The following NCKAP5L variants were observed in gnomAD, a reference collection of about 807,000 sequenced individuals.
The protein encoded by NCKAP5L is nck-associated protein 5-like.
A neutral mutation model predicts 103.2 loss-of-function variants in NCKAP5L; 54 were observed. That is an observed-to-expected ratio of 0.52 (90% CI 0.42 to 0.66). NCKAP5L has a LOEUF of 0.66. NCKAP5L is among the 30% of genes least tolerant of loss of function. The pLI is 0.00. For missense variants in NCKAP5L, 1,733 were observed against 1,750.6 expected, an observed-to-expected ratio of 0.99 and a Z score of 0.18; for synonymous variants, 762 against 748.6, an observed-to-expected ratio of 1.02 and a Z score of -0.29.
rs372071325 is a variant in NCKAP5L, at chr12:49,797,181, C to T, written c.679G>A (p.Gly227Ser). 1.2e-5 allele frequency: 20 copies of T among 1,612,064 alleles called. No homozygotes were observed. The highest frequency in any genetic ancestry group is 1.4e-5 in the Non-Finnish European group (16 of 1,179,428). ...QGPGSPEPIN[G>S]ELCGPPQPEP... is the part of the protein sequence containing the mutation. ...GGCTGAGGCGGGCCACACAGCTCGC[C>T]GTTGATGGGCTCTGGGGAGCCAGGC... Residue 227 changes from glycine to serine, a missense_variant, in exon 8 of 13, where the codon GGC becomes AGC. Transcript: ENST00000335999. The surrounding 1 kb of genome is among the most constrained non-coding windows in gnomAD (Gnocchi z 4.5).
intron 1 of NCKAP5L, among the ~76,000 whole-genome samples, chr12:49,810,592 C>G (rs900827428): frequency 2.0e-5 from 3 of 152,202 alleles, no homozygotes; most frequent in African/African-American, 7.2e-5. Context: ...TACTCTCATT[C>G]TCTCCTGAGT....
intron 7 of NCKAP5L, among the ~76,000 whole-genome samples, chr12:49,798,127 G>C (rs1241936315): frequency 6.6e-6 from 1 of 152,168 alleles, no homozygotes; most frequent in Non-Finnish European, 1.5e-5. Context: ...ACAGTGCCTG[G>C]CATGCAGTAA....
At chr12:49,808,113 T>G (rs1286972670) in intron 1 of NCKAP5L, among the ~76,000 whole-genome samples, 1 of 152,130 alleles carries the variant, frequency 6.6e-6, no homozygotes, top group African/African-American at 2.4e-5. Context: ...TGGTTTTCTG[T>G]GTTGAGGAGC....
intron 1 of NCKAP5L, among the ~76,000 whole-genome samples, chr12:49,822,022 C>A (rs1011662253): frequency 1.3e-5 from 2 of 152,096 alleles, no homozygotes; most frequent in African/African-American, 4.8e-5. Flanking sequence ...TATTGTGGGG[C>A]GGCGGGGCGG....
chr12:49,793,321 A>G (rs1945970725), intron 10 of NCKAP5L, 31 bp downstream of exon 10: 1 of 1,585,424 alleles, frequency 6.3e-7, no homozygotes, highest in Non-Finnish European at 8.6e-7. Flanking sequence ...GGGTGGGGGC[A>G]GGCCCATCCT....
chr12:49,796,881 T>C lies in NCKAP5L; in HGVS notation c.979A>G (p.Asn327Asp), dbSNP rs1319412979. Reference sequence around the variant, plus strand: ...GTGTCCTCAAGGAGCTGGCCCAGGTTCAACTGTCTGCGGGCCAGGGCACCG... The same window carrying C: ...GTGTCCTCAAGGAGCTGGCCCAGGTCCAACTGTCTGCGGGCCAGGGCACCG... ...LLGALARRQLNLGQLLEDTES... is the reference protein window; with the variant it reads ...LLGALARRQLDLGQLLEDTES... The change falls in exon 8 of 13, where the codon AAC (asparagine) becomes GAC (aspartate). Residue 327 changes from asparagine (N) to aspartate (D), a missense_variant. Physicochemically the swap from Asn to Asp is conservative, Grantham distance 23. Transcript: ENST00000335999. 6.2e-7 allele frequency: 1 copy of C among 1,612,328 alleles called. No individual in the cohort carries two copies. Among genetic ancestry groups the C allele is most frequent in the Admixed American group, 1.7e-5 (1 of 59,866 alleles).
At position 49,801,954 on chromosome 12, in the gene NCKAP5L, T is replaced by G; in HGVS notation, c.245A>C (p.Glu82Ala). ...ALLNQKDLRE[E>A]CIKLKKRVFD... Reference sequence around the variant, plus strand: ...CACTCTCTTCTTCAGCTTGATGCACTCCTCTCGCAGGTCCTGCCGCCCACC... The same window carrying G: ...CACTCTCTTCTTCAGCTTGATGCACGCCTCTCGCAGGTCCTGCCGCCCACC... The change falls in exon 6 of 13, where the codon GAG becomes GCG. Residue 82 changes from glutamate (E) to alanine (A), a missense_variant. Glu to Ala is a moderately radical substitution (Grantham distance 107). Coordinates refer to ENST00000335999, the MANE Select transcript of NCKAP5L (RefSeq NM_001037806.4). 1 of 1,613,778 alleles carries G rather than the reference T, an allele frequency of 6.2e-7. No homozygotes were observed. Among genetic ancestry groups the G allele is most frequent in the Non-Finnish European group, 8.5e-7 (1 of 1,179,836 alleles).
chr12:49,822,530 G>A (rs556611191), intron 1 of NCKAP5L, among the ~76,000 whole-genome samples: 1 of 151,956 alleles, frequency 6.6e-6, no homozygotes, highest in South Asian at 2.1e-4. Context: ...GGGAGAACGC[G>A]ATGGAGGTGG....
chr12:49,808,773 G>C (rs1002119237), intron 1 of NCKAP5L, among the ~76,000 whole-genome samples: 1 of 152,220 alleles, frequency 6.6e-6, no homozygotes, highest in African/African-American at 2.4e-5. Context: ...CCCGACCTGG[G>C]GCAGGGAAAA....
At chr12:49,794,273 AC>A (rs1472812548) in intron 8 of NCKAP5L, among the ~76,000 whole-genome samples, 1 of 152,090 alleles carries the variant, frequency 6.6e-6, no homozygotes, top group Non-Finnish European at 1.5e-5. Context: ...CAAACCACGC[AC>A]CCTACCTGGG....
rs979730001 is a variant in NCKAP5L, at chr12:49,795,863, G to A, written c.1997C>T (p.Ala666Val). 20 of 1,566,814 alleles carry A rather than the reference G, an allele frequency of 1.3e-5. No individual in the cohort carries two copies. Among genetic ancestry groups the A allele is most frequent in the African/African-American group, 4.1e-5 (3 of 73,100 alleles). ...PGSTPLRDRL[A>V]ALGKLKTGPE... ...GCCTGTCTTCAGCTTCCCCAGGGCC[G>A]CCAGTCTGTCCCGCAGAGGTGTGCT... Residue 666 changes from alanine (A) to valine (V), a missense_variant, in exon 8 of 13, where the codon GCG (alanine) becomes GTG (valine). Physicochemically the swap from Ala to Val is moderately conservative, Grantham distance 64. Coordinates refer to ENST00000335999, the MANE Select transcript of NCKAP5L (RefSeq NM_001037806.4).
chr12:49,793,721 C>T lies in NCKAP5L; in HGVS notation c.3258+13G>A, dbSNP rs1201200615. The T allele has an allele frequency of 6.5e-7, 1 of 1,539,460 alleles. No individual in the cohort carries two copies. The highest frequency in any genetic ancestry group is 8.8e-7 in the Non-Finnish European group (1 of 1,142,444). ...GCCAGGCCGTCCACCCAGTCCCTAC[C>T]CCAAGAACTTACCTTTCCAGGAGGT... On this transcript the variant is annotated intron_variant, in intron 9 of 12. Coordinates refer to ENST00000335999, the MANE Select transcript of NCKAP5L (RefSeq NM_001037806.4).
At position 49,792,697 on chromosome 12, in the gene NCKAP5L, G is replaced by A. The variant is rs1395490552; in HGVS notation, c.3630C>T (p.Gly1210=). 1 of 1,612,006 alleles carries A rather than the reference G, an allele frequency of 6.2e-7. No individual in the cohort carries two copies. The highest frequency in any genetic ancestry group is 8.5e-7 in the Non-Finnish European group (1 of 1,179,284). The change falls in exon 11 of 13, where the codon GGC becomes GGT. Residue 1210 remains glycine, a synonymous_variant. Coordinates refer to ENST00000335999, the MANE Select transcript of NCKAP5L (RefSeq NM_001037806.4). This position sits in a 1 kb window ranked among gnomAD's most constrained non-coding sequence, Gnocchi z 4.5. The stretch of plus-strand genomic sequence containing the variant: ...ACTCACCATCAGGACAGGTCTCATG[G>A]CCCCGGTGGCCCGGAGCAGCGGGTA... ...ALLPAAPGHR[G]HETCPDDPCE... is the part of the protein sequence containing the mutation.
At chr12:49,820,185 T>C (rs1946345030) in intron 1 of NCKAP5L, among the ~76,000 whole-genome samples, 1 of 152,034 alleles carries the variant, frequency 6.6e-6, no homozygotes, top group Non-Finnish European at 1.5e-5. Flanking sequence ...CACTGAAACA[T>C]CAGCTATTAG....
chr12:49,795,127 G>A lies in NCKAP5L; in HGVS notation c.2733C>T (p.His911=). The A allele has an allele frequency of 6.2e-7, 1 of 1,612,576 alleles. No homozygotes were observed. Among genetic ancestry groups the A allele is most frequent in the Non-Finnish European group, 8.5e-7 (1 of 1,179,606 alleles). ...AGCTGGCGATGCTGCTGGTGTTGCG[G>A]TGCTTGACCTCGGCGCCAGGGGCTC... ...QERAPGAEVK[H]RNTSSIASWF... The change falls in exon 8 of 13, where the codon CAC becomes CAT. Residue 911 remains histidine, a synonymous_variant. Transcript: ENST00000335999.
At position 49,792,692 on chromosome 12, in the gene NCKAP5L, T is replaced by A. The variant is rs777361302; in HGVS notation, c.3635A>T (p.Glu1212Val). The stretch of plus-strand genomic sequence containing the variant: ...TGGACACTCACCATCAGGACAGGTC[T>A]CATGGCCCCGGTGGCCCGGAGCAGC... Reference protein sequence around the residue: ...LPAAPGHRGHETCPDDPCEDP... With the variant: ...LPAAPGHRGHVTCPDDPCEDP... Residue 1212 changes from glutamate to valine, a missense_variant, in exon 11 of 13, where the codon GAG becomes GTG. By Grantham distance (121) the Glu-to-Val change is moderately radical. Transcript: ENST00000335999. The surrounding 1 kb of genome is among the most constrained non-coding windows in gnomAD (Gnocchi z 4.5). 2 of 1,612,428 alleles carry A rather than the reference T, an allele frequency of 1.2e-6. No individual in the cohort carries two copies.
chr12:49,816,477 C>T (rs1468801611), intron 1 of NCKAP5L, among the ~76,000 whole-genome samples: 1 of 111,632 alleles, frequency 9.0e-6, no homozygotes, highest in African/African-American at 3.5e-5. Context: ...CTGACCCTTT[C>T]AAAGTTCTCA....
chr12:49,816,093 G>A (rs940533898), intron 1 of NCKAP5L, among the ~76,000 whole-genome samples: 2 of 152,212 alleles, frequency 1.3e-5, no homozygotes, highest in African/African-American at 4.8e-5. Flanking sequence ...CCTCCTGCAA[G>A]ATCAGTATTT....
Position 49,797,250 on chromosome 12 carries a change from G to T in NCKAP5L, c.610C>A (p.Leu204Ile), listed in dbSNP as rs1461744400. Residue 204 changes from leucine to isoleucine, a missense_variant, in exon 8 of 13, where the codon CTT becomes ATT. Leu to Ile is a conservative substitution (Grantham distance 5). Transcript: ENST00000335999. The surrounding 1 kb of genome is among the most constrained non-coding windows in gnomAD (Gnocchi z 4.5). ...LRALEETDPLLLCSPATPWRP... is the reference protein window; with the variant it reads ...LRALEETDPLILCSPATPWRP... The stretch of plus-strand genomic sequence containing the variant: ...CAGGGGGTGGCAGGTGAGCAGAGAA[G>T]CAAGGGGTCAGTCTCTTCCAGGGCT... 6 of 1,613,570 alleles carry T rather than the reference G, an allele frequency of 3.7e-6. No homozygotes were observed. Among genetic ancestry groups the T allele is most frequent in the Non-Finnish European group, 5.1e-6 (6 of 1,179,824 alleles).
Sources: allele counts gnomAD v4.1 joint callset (sites outside exome capture counted in the v4.1 genomes callset), GRCh38; gene constraint gnomAD v4.1.1; non-coding constraint Gnocchi (gnomAD v3.1); transcripts MANE v1.5; gene names NCBI Gene and HGNC (gene_info 2026-07-23, HGNC 2026-07-21).